UNC80: variants seen among roughly 807,000 people sequenced by gnomAD.
UNC80 encodes unc-80 subunit of NALCN channel complex.
In UNC80, 164 loss-of-function variants were observed where a neutral mutation model predicts 384.6. That is an observed-to-expected ratio of 0.43 (90% confidence interval 0.38 to 0.49). UNC80 has a LOEUF of 0.49. Among genes scored for constraint, UNC80 ranks in the 20% least tolerant of loss-of-function variants. The pLI is 0.00. For synonymous variants in UNC80, 1,486 were observed against 1,527.8 expected (o/e 0.97, Z 0.64); for missense variants, 3,330 against 4,143.0 (o/e 0.80, Z 5.39).
chr2:209,986,294 T>A (rs984700280), intron 61 of UNC80, among the ~76,000 whole-genome samples: 2 of 152,340 alleles, frequency 1.3e-5, no homozygotes, highest in African/African-American at 2.4e-5. Context: ...TGAATCAGAC[T>A]TCCACTTAGC....
Position 209,929,923 on chromosome 2 carries a change from A to G in UNC80, c.5859A>G (p.Ser1953=), listed in dbSNP as rs982859655. The part of the protein sequence containing the change: ...VLWNCLIEDP[S]TVLRHFLEKL... Reference sequence around the variant, plus strand: ...GGAACTGTCTAATTGAAGATCCATCAACGGTTCTTCGACATTTTCTGGAAA... The same window carrying G: ...GGAACTGTCTAATTGAAGATCCATCGACGGTTCTTCGACATTTTCTGGAAA... Residue 1953 remains serine, a synonymous_variant, in exon 37 of 65, where the codon TCA becomes TCG. Transcript: ENST00000673920. 3 of 1,539,714 alleles carry G rather than the reference A, an allele frequency of 1.9e-6. No individual in the cohort carries two copies. The highest frequency in any genetic ancestry group is 2.6e-6 in the Non-Finnish European group (3 of 1,142,988).
At chr2:209,945,826 C>T (rs942497251) in intron 46 of UNC80, 21 bp from the exon 47 acceptor site, 74 of 1,528,094 alleles carry the variant, frequency 4.8e-5, no homozygotes, top group Non-Finnish European at 5.8e-5. Context: ...GATAGTTTGC[C>T]TTTACTTTTT....
intron 44 of UNC80, among the ~76,000 whole-genome samples, chr2:209,942,742 G>A (rs1452039585): frequency 6.6e-6 from 1 of 151,448 alleles, no homozygotes; most frequent in East Asian, 1.9e-4. Flanking sequence ...AAGCGATTAT[G>A]TTCATTACAA....
At chr2:209,914,040 G>A (rs1010641069) in intron 31 of UNC80, 100 bp downstream of exon 31, 1 of 1,397,124 alleles carries the variant, frequency 7.2e-7, no homozygotes, top group African/African-American at 1.5e-5. Context: ...TTTGCTCCTA[G>A]GTCAAGTTAA....
intron 7 of UNC80, among the ~76,000 whole-genome samples, chr2:209,800,711 T>G (rs2078488750): frequency 6.6e-6 from 1 of 152,212 alleles, no homozygotes; most frequent in African/African-American, 2.4e-5. Flanking sequence ...TAAATCTCCC[T>G]CTAAACACTG....
intron 58 of UNC80, among the ~76,000 whole-genome samples, chr2:209,977,280 T>C (rs2093037206): frequency 6.6e-6 from 1 of 152,230 alleles, no homozygotes; most frequent in African/African-American, 2.4e-5. Flanking sequence ...AGTAACAAAA[T>C]AGAAATCAAA....
chr2:209,867,491 G>A lies in UNC80; in HGVS notation c.3628-5267G>A, dbSNP rs561829407. 9.2e-5 allele frequency among the ~76,000 whole-genome samples: 14 copies of A among 152,210 alleles called. No individual in the cohort carries two copies. In the South Asian group the frequency reaches 1.0e-3, roughly 11 times the overall value. On this transcript the variant is annotated intron_variant, in intron 22 of 64. Transcript: ENST00000673920. ...ATGTGGGATTTTGTTAAGCATTCTC[G>A]TAAAAGACTTTTTCCTTTTGTTTCT...
At position 209,820,482 on chromosome 2, in the gene UNC80, A is replaced by T; in HGVS notation, c.2134A>T (p.Ser712Cys). 6.4e-7 allele frequency: 1 copy of T among 1,551,722 alleles called. No individual in the cohort carries two copies. The highest frequency in any genetic ancestry group is 8.7e-7 in the Non-Finnish European group (1 of 1,147,004). The change falls in exon 13 of 65, where the codon AGT becomes TGT. Residue 712 changes from serine (S) to cysteine (C), a missense_variant. By Grantham distance (112) the Ser-to-Cys change is moderately radical. Coordinates refer to ENST00000673920, the MANE Select transcript of UNC80 (RefSeq NM_001371986.1). ...AAATGAGACCTTGGAAAAGAGGCCA[A>T]GTGAGGGAGCTTTCCAATTCAAAGG... The part of the protein sequence containing the change: ...KENETLEKRP[S>C]EGAFQFKGVS...
In UNC80 at chr2:209,913,883, C is replaced by G; in HGVS notation, c.4972C>G (p.Gln1658Glu). 6.4e-7 allele frequency: 1 copy of G among 1,551,374 alleles called. No homozygotes were observed. The highest frequency in any genetic ancestry group is 8.7e-7 in the Non-Finnish European group (1 of 1,146,702). ...GACAGAGGAGATGTACGGAGACATC[C>G]AGCCAGCTGCCTGGGAGCTCCTGCT... is the stretch of plus-strand genomic sequence containing the variant. The part of the protein sequence containing the change: ...ILTEEMYGDI[Q>E]PAAWELLLSM... The change falls in exon 31 of 65, where the codon CAG (glutamine) becomes GAG (glutamate). Residue 1658 changes from glutamine to glutamate, a missense_variant. Around this residue, in one of 8 missense-constraint regions of UNC80, gnomAD observed 801 missense variants for 950.8 expected, o/e 0.84. Coordinates refer to ENST00000673920, the MANE Select transcript of UNC80 (RefSeq NM_001371986.1).
Position 209,896,171 on chromosome 2 carries a change from A to C in UNC80, c.4481-142A>C, listed in dbSNP as rs1367053331. Reference sequence around the variant, plus strand: ...GACAGCTCCTGTTAATATTCCTCCAACAAAGTCAATGCTATGCCCTGTAAC... The same window carrying C: ...GACAGCTCCTGTTAATATTCCTCCACCAAAGTCAATGCTATGCCCTGTAAC... On this transcript the variant is annotated intron_variant, in intron 27 of 64. Transcript: ENST00000673920. 1.4e-5 allele frequency: 10 copies of C among 696,062 alleles called. No homozygotes were observed. The East Asian group carries it at 2.7e-4, about 19-fold the overall frequency. 43.1% of individuals were successfully genotyped at this position (696,062 alleles called of 1,614,324 possible).
At chr2:209,787,109 T>C (rs1038331798) in intron 5 of UNC80, among the ~76,000 whole-genome samples, 18 of 111,872 alleles carry the variant, frequency 1.6e-4, no homozygotes, top group Admixed American at 1.3e-3. Flanking sequence ...TCTTTTTTAT[T>C]AACATATAAG....
At chr2:209,779,320 T>A (rs2077034074) in intron 4 of UNC80, among the ~76,000 whole-genome samples, 1 of 152,104 alleles carries the variant, frequency 6.6e-6, no homozygotes, top group South Asian at 2.1e-4. Context: ...TGTGTTCAGA[T>A]CCTTACACTG....
At position 209,929,900 on chromosome 2, in the gene UNC80, A is replaced by G. The variant is rs1238898931; in HGVS notation, c.5836A>G (p.Asn1946Asp). 1 of 1,534,260 alleles carries G rather than the reference A, an allele frequency of 6.5e-7. No homozygotes were observed. Among genetic ancestry groups the G allele is most frequent in the Non-Finnish European group, 8.8e-7 (1 of 1,140,864 alleles). The change falls in exon 37 of 65, where the codon AAC (asparagine) becomes GAC (aspartate). Residue 1946 changes from asparagine to aspartate, a missense_variant. Coordinates refer to ENST00000673920, the MANE Select transcript of UNC80 (RefSeq NM_001371986.1). ...TGCTGTGGCTCAACAAGTCTTATGGAACTGTCTAATTGAAGATCCATCAAC... is the reference window on the plus strand; with the variant it reads ...TGCTGTGGCTCAACAAGTCTTATGGGACTGTCTAATTGAAGATCCATCAAC... ...VSAVAQQVLWNCLIEDPSTVL... is the reference protein window; with the variant it reads ...VSAVAQQVLWDCLIEDPSTVL...
intron 52 of UNC80, chr2:209,969,485 G>T: frequency 2.3e-6 from 1 of 425,716 alleles, no homozygotes; most frequent in Non-Finnish European, 4.2e-6. Context: ...GTAGTCTTAG[G>T]ACCCTCTGTC....
intron 47 of UNC80, among the ~76,000 whole-genome samples, chr2:209,947,648 T>C (rs2091971918): frequency 6.6e-6 from 1 of 152,202 alleles, no homozygotes; most frequent in Admixed American, 6.5e-5. Context: ...TTCCCTGGGA[T>C]ATCTCTCATG....
At chr2:209,804,172 C>G (rs1030005034) in intron 7 of UNC80, among the ~76,000 whole-genome samples, 1 of 152,196 alleles carries the variant, frequency 6.6e-6, no homozygotes, top group Non-Finnish European at 1.5e-5. Context: ...GTTATCTGCA[C>G]CAAACACGCC....
chr2:209,933,859 A>G lies in UNC80; in HGVS notation c.6032A>G (p.Glu2011Gly), dbSNP rs2091062703. ...LIMYFVRTPC[E>G]WGMDAISATL... is the part of the protein sequence containing the mutation. ...ATGTACTTTGTGCGGACCCCCTGCG[A>G]GTGGGGGATGGATGCCATTTCAGCC... Residue 2011 changes from glutamate to glycine, a missense_variant, in exon 39 of 65, where the codon GAG becomes GGG. This residue lies in a region of UNC80 where 1,049 missense variants were observed against 1,488.6 expected (regional missense o/e 0.70). Coordinates refer to ENST00000673920, the MANE Select transcript of UNC80 (RefSeq NM_001371986.1). 6.4e-7 allele frequency: 1 copy of G among 1,551,274 alleles called. No homozygotes were observed. The highest frequency in any genetic ancestry group is 8.7e-7 in the Non-Finnish European group (1 of 1,146,780).
chr2:209,844,660 G>C (rs1218647770), intron 21 of UNC80, among the ~76,000 whole-genome samples: 1 of 151,058 alleles, frequency 6.6e-6, no homozygotes, highest in Non-Finnish European at 1.5e-5. Context: ...TACAATCATA[G>C]TCCACTGCCG....
At chr2:209,857,775 T>C (rs1484148610) in intron 22 of UNC80, among the ~76,000 whole-genome samples, 1 of 152,200 alleles carries the variant, frequency 6.6e-6, no homozygotes, top group African/African-American at 2.4e-5. Context: ...TTTTAAGTAC[T>C]TTCTAATTTC....
Sources: gnomAD v4.1 joint callset for allele counts (sites outside exome capture counted in the v4.1 genomes callset) on GRCh38, gnomAD v4.1.1 for gene constraint, gnomAD v4.1.1 regional missense constraint, MANE v1.5 for transcripts, NCBI Gene and HGNC (gene_info 2026-07-23, HGNC 2026-07-21) for gene names.